Variants in MPC1 observed in about 807,000 individuals in gnomAD.
The protein encoded by MPC1 is HSPC040 protein.
In MPC1, 6 loss-of-function variants were observed where a neutral mutation model predicts 13.9. The ratio of observed to expected loss-of-function variants is 0.43; its 90% CI spans 0.24 to 0.85. The LOEUF is 0.85. MPC1 is among the 40% of genes least tolerant of loss of function. MPC1 has a pLI of 0.24. For missense variants in MPC1, 115 were observed against 143.3 expected, an observed-to-expected ratio of 0.80 and a Z score of 1.01; for synonymous variants, 47 against 50.5, an observed-to-expected ratio of 0.93 and a Z score of 0.29.
chr6:166,366,491 G>T lies in MPC1; in HGVS notation c.172+304C>A, dbSNP rs577110709. Among the ~76,000 whole-genome samples, 96 of 152,282 alleles carry T rather than the reference G, an allele frequency of 6.3e-4. 1 individual carries two copies. In the South Asian group the frequency reaches 0.019, roughly 30 times the overall value. On this transcript the variant is annotated intron_variant, in intron 3 of 4. Coordinates refer to ENST00000360961, the MANE Select transcript of MPC1 (RefSeq NM_016098.4). ...AGGGTTTCAAGTCAGTTTAATGACA[G>T]TTTCCCCCAAAAAAGTTCACAATAT...
intron 1 of MPC1, among the ~76,000 whole-genome samples, chr6:166,371,000 T>C (rs1779359787): frequency 6.6e-6 from 1 of 152,238 alleles, no homozygotes. Context: ...TTATTTGGAC[T>C]CTAGTGTGTA....
chr6:166,368,296 G>A (rs1056508717), intron 2 of MPC1, among the ~76,000 whole-genome samples: 2 of 152,164 alleles, frequency 1.3e-5, no homozygotes, highest in Admixed American at 1.3e-4. Flanking sequence ...AGCGGCTCAC[G>A]CCTGTAATCC....
At chr6:166,366,969 T>G (rs1051452161) in intron 2 of MPC1, 78 bp from the exon 3 acceptor site, 3 of 1,606,558 alleles carry the variant, frequency 1.9e-6, no homozygotes, top group Non-Finnish European at 2.6e-6. Context: ...TTTCCCTTAC[T>G]TTAAATAATC....
rs934693237 is a variant in MPC1 at position 166,365,345 on chromosome 6, G to C, written c.*84C>G. ...AATAGCATTCAGTGTATTTTCCTTA[G>C]GGAGGCTATTTATAATGAAATCTGT... On this transcript the variant is annotated 3_prime_UTR_variant, in exon 5 of 5. Coordinates refer to ENST00000360961, the MANE Select transcript of MPC1 (RefSeq NM_016098.4). The surrounding 1 kb of genome is among the most constrained non-coding windows in gnomAD (Gnocchi z 4.2). The C allele has an allele frequency of 2.5e-6, 3 of 1,191,310 alleles. No homozygotes were observed. The African/African-American group carries it at 4.8e-5, about 19-fold the overall frequency. The allele number at this position is 1,191,310 out of a possible 1,614,324, so 73.8% of individuals were successfully genotyped here. A position where few individuals can be genotyped will look rare whatever the true frequency, so the allele number is the denominator to read the frequency against.
chr6:166,365,156 A>G lies in MPC1; in HGVS notation c.*273T>C, dbSNP rs559064535. 2.9e-5 allele frequency: 9 copies of G among 309,682 alleles called. No individual in the cohort carries two copies. The South Asian group carries it at 1.3e-3, about 44-fold the overall frequency. 19.2% of individuals were successfully genotyped at this position (309,682 alleles called of 1,614,324 possible). ...CATTAAGTAAATTCTAATAGATGATATACATATTACTGCAGATAAAACCAT... is the reference window on the plus strand; with the variant it reads ...CATTAAGTAAATTCTAATAGATGATGTACATATTACTGCAGATAAAACCAT... On this transcript the variant is annotated 3_prime_UTR_variant, in exon 5 of 5. Coordinates refer to ENST00000360961, the MANE Select transcript of MPC1 (RefSeq NM_016098.4). This position sits in a 1 kb window ranked among gnomAD's most constrained non-coding sequence, Gnocchi z 4.2.
rs1779135006 is a variant in MPC1 at position 166,365,982 on chromosome 6, G to C, written c.297C>G (p.Ile99Met). 6.2e-7 allele frequency: 1 copy of C among 1,612,574 alleles called. No individual in the cohort carries two copies. ...VAQLIQGGRL[I>M]KHEMTKTASA Reference sequence around the variant, plus strand: ...AATTGAAATCTGCTTACTCGTGTTTGATAAGCCGCCCTCCCTGGATGAGCT... The same window carrying C: ...AATTGAAATCTGCTTACTCGTGTTTCATAAGCCGCCCTCCCTGGATGAGCT... The change falls in exon 4 of 5, where the codon ATC becomes ATG. Residue 99 changes from isoleucine (I) to methionine (M), a missense_variant. This residue lies in a region of MPC1 where 71 missense variants were observed against 88.5 expected (regional missense o/e 0.80). Coordinates refer to ENST00000360961, the MANE Select transcript of MPC1 (RefSeq NM_016098.4). The surrounding 1 kb of genome is among the most constrained non-coding windows in gnomAD (Gnocchi z 4.2).
chr6:166,377,486 G>A (rs1779612485), intron 1 of MPC1, among the ~76,000 whole-genome samples: 1 of 152,276 alleles, frequency 6.6e-6, no homozygotes, highest in South Asian at 2.1e-4. Context: ...GGTAATGTTA[G>A]CTTTCTCTGA....
chr6:166,365,795 C>G lies in MPC1; in HGVS notation c.305+179G>C, dbSNP rs557374974. ...ATTTCAGATTTTTGGATTTGGGATGCTCAGCCTGTATCCTAGTTCATGTTA... is the reference window on the plus strand; with the variant it reads ...ATTTCAGATTTTTGGATTTGGGATGGTCAGCCTGTATCCTAGTTCATGTTA... On this transcript the variant is annotated intron_variant, in intron 4 of 4. Transcript: ENST00000360961. This position sits in a 1 kb window ranked among gnomAD's most constrained non-coding sequence, Gnocchi z 4.2. Among the ~76,000 whole-genome samples the G allele has an allele frequency of 6.6e-6, 1 of 152,158 alleles. No homozygotes were observed. The highest frequency in any genetic ancestry group is 1.5e-5 in the Non-Finnish European group (1 of 68,010).
At chr6:166,374,260 T>C (rs1347880093) in intron 1 of MPC1, among the ~76,000 whole-genome samples, 1 of 152,260 alleles carries the variant, frequency 6.6e-6, no homozygotes, top group Non-Finnish European at 1.5e-5. Flanking sequence ...CCCAAAGTGC[T>C]GGGATTACAG....
chr6:166,366,285 TTACTG>T (rs1301416444), intron 3 of MPC1, among the ~76,000 whole-genome samples, 179 bp from the exon 4 acceptor site: 3 of 152,202 alleles, frequency 2.0e-5, no homozygotes, highest in Non-Finnish European at 4.4e-5. Context: ...ATAAAAAAAT[TTACTG>T]TACTGCTATG....
At chr6:166,373,317 G>A (rs908444767) in intron 1 of MPC1, among the ~76,000 whole-genome samples, 10 of 152,146 alleles carry the variant, frequency 6.6e-5, no homozygotes, top group African/African-American at 2.4e-4. Context: ...TGCAACCACC[G>A]ATCTTTCGAC....
At chr6:166,381,348 C>G (rs1057472808) in intron 1 of MPC1, among the ~76,000 whole-genome samples, 3 of 152,100 alleles carry the variant, frequency 2.0e-5, no homozygotes, top group Non-Finnish European at 2.9e-5. Context: ...TTTTTCCTAC[C>G]CTACTGCTCT....
chr6:166,376,625 C>T (rs549305520), intron 1 of MPC1, among the ~76,000 whole-genome samples: 37 of 152,344 alleles, frequency 2.4e-4, no homozygotes, highest in African/African-American at 8.2e-4. Context: ...TACCATCTAT[C>T]TGGGTATCTG....
intron 1 of MPC1, among the ~76,000 whole-genome samples, chr6:166,382,133 A>C (rs1569459): frequency 0.78 from 118,992 of 152,262 alleles, 46,848 homozygotes; most frequent in East Asian, 0.95. Flanking sequence ...GCCACTGTCA[A>C]CTGGCCCGGA....
At position 166,382,846 on chromosome 6, in the gene MPC1, C is replaced by T; in HGVS notation, c.31G>A (p.Asp11Asn). The part of the protein sequence containing the change: MAGALVRKAA[D>N]YVRSKDFRDY... ...CGGAAATCCTTGCTTCGGACATAGT[C>T]CGCCGCTTTCCGCACCAACGCGCCC... Residue 11 changes from aspartate (D) to asparagine (N), a missense_variant, in exon 1 of 5, where the codon GAC becomes AAC. Transcript: ENST00000360961. 6.3e-7 allele frequency: 1 copy of T among 1,596,668 alleles called. No homozygotes were observed. The highest frequency in any genetic ancestry group is 1.7e-5 in the Admixed American group (1 of 58,670).
At chr6:166,382,647 T>A (rs1441158404) in intron 1 of MPC1, among the ~76,000 whole-genome samples, 159 bp downstream of exon 1, 1 of 152,086 alleles carries the variant, frequency 6.6e-6, no homozygotes, top group Non-Finnish European at 1.5e-5. Context: ...GGGATCCGGG[T>A]GGGGCCCCCC....
chr6:166,382,772 C>T, intron 1 of MPC1, 34 bp downstream of exon 1: 7 of 1,558,182 alleles, frequency 4.5e-6, no homozygotes, highest in Non-Finnish European at 6.1e-6. Context: ...GGAGCCCCTC[C>T]GGGTTGCGGG....
In MPC1 at chr6:166,368,977, A is replaced by G. The variant is rs927645907; in HGVS notation, c.75+1241T>C. The G allele has an allele frequency of 7.2e-6, 7 of 978,590 alleles. No homozygotes were observed. The African/African-American group carries it at 1.2e-4, about 17-fold the overall frequency. 60.6% of individuals were successfully genotyped at this position (978,590 alleles called of 1,614,324 possible). On this transcript the variant is annotated intron_variant, in intron 2 of 4. Transcript: ENST00000360961. The stretch of plus-strand genomic sequence containing the variant: ...AAGAGTTATTCTAAGAGGGGCATAT[A>G]AACCACAGTTTCTCTACCACTGGTT...
intron 2 of MPC1, 30 bp from the exon 3 acceptor site, chr6:166,366,921 A>C: frequency 1.2e-6 from 2 of 1,613,648 alleles, no homozygotes; most frequent in Non-Finnish European, 8.5e-7. Context: ...AAGAATGAAG[A>C]GAGGAAAAAG....
Sources: allele counts gnomAD v4.1 joint callset (sites outside exome capture counted in the v4.1 genomes callset), GRCh38; gene constraint gnomAD v4.1.1; regional missense constraint gnomAD v4.1.1; non-coding constraint Gnocchi (gnomAD v3.1); transcripts MANE v1.5; gene names NCBI Gene and HGNC (gene_info 2026-07-23, HGNC 2026-07-21).